Variants in WDR7 observed in about 807,000 individuals in gnomAD.
WDR7 encodes WD repeat domain 7.
A neutral mutation model predicts 169.4 loss-of-function variants in WDR7; 46 were observed. That is an observed-to-expected ratio of 0.27 (90% CI 0.21 to 0.35). The LOEUF (loss-of-function observed/expected upper bound fraction) is 0.35, where lower values mean the gene tolerates loss of function less well. WDR7 is among the 10% of genes least tolerant of loss of function. The pLI, the probability that WDR7 is intolerant of heterozygous loss-of-function variation, is 1.00. For missense variants in WDR7, 1,534 were observed against 1,859.3 expected (o/e 0.83, Z 3.22); for synonymous variants, 612 against 666.8 (o/e 0.92, Z 1.27).
chr18:56,949,156 T>TCTCTCCCTCTC (rs879455948), intron 25 of WDR7, among the ~76,000 whole-genome samples: 4,412 of 143,864 alleles, frequency 0.031, 226 homozygotes, highest in African/African-American at 0.11. Context: ...CTCTCTCTCT[T>TCTCTCCCTCTC]TCCCTTTGGC....
intron 22 of WDR7, among the ~76,000 whole-genome samples, chr18:56,930,320 G>A (rs987764060): frequency 3.9e-5 from 6 of 152,154 alleles, no homozygotes; most frequent in African/African-American, 1.2e-4. Flanking sequence ...TGAATTTTGG[G>A]GGTGAGGAGT....
intron 16 of WDR7, among the ~76,000 whole-genome samples, chr18:56,763,656 A>T (rs1311992632): frequency 6.6e-6 from 1 of 152,196 alleles, no homozygotes; most frequent in Non-Finnish European, 1.5e-5. Flanking sequence ...TGGACGGGTG[A>T]GTGTAGGTTG....
In WDR7 at chr18:56,776,767, C is replaced by T. The variant is rs755165239; in HGVS notation, c.2849-15C>T. 1 of 1,611,940 alleles carries T rather than the reference C, an allele frequency of 6.2e-7. No homozygotes were observed. The highest frequency in any genetic ancestry group is 2.2e-5 in the East Asian group (1 of 44,860). On this transcript the variant is annotated splice_polypyrimidine_tract_variant and intron_variant, in intron 16 of 27. Coordinates refer to ENST00000254442, the MANE Select transcript of WDR7 (RefSeq NM_015285.3). ...CAATTCTCTCCTCTTTACTTCTTCT[C>T]TTTTCCTCTGCAAGTTGCTGCACCT...
chr18:56,779,523 C>G lies in WDR7; in HGVS notation c.3040C>G (p.Arg1014Gly). The G allele has an allele frequency of 1.9e-6, 3 of 1,613,492 alleles. No individual in the cohort carries two copies. The highest frequency in any genetic ancestry group is 2.5e-6 in the Non-Finnish European group (3 of 1,179,730). Residue 1014 changes from arginine to glycine, a missense_variant, in exon 18 of 28, where the codon CGA becomes GGA. Arg to Gly is a moderately radical substitution (Grantham distance 125). Transcript: ENST00000254442. ...FRPPLLEMLARRWQDRCLEVR... is the reference protein window; with the variant it reads ...FRPPLLEMLAGRWQDRCLEVR... Reference sequence around the variant, plus strand: ...GCCTCCCCTTCTGGAGATGCTGGCCCGAAGATGGCAAGATCGATGCTTGGA... The same window carrying G: ...GCCTCCCCTTCTGGAGATGCTGGCCGGAAGATGGCAAGATCGATGCTTGGA...
intron 27 of WDR7, among the ~76,000 whole-genome samples, chr18:57,023,083 A>G (rs978914171): frequency 6.6e-6 from 1 of 152,252 alleles, no homozygotes; most frequent in African/African-American, 2.4e-5. Context: ...ATGTTGTACC[A>G]AACTCAGTCT....
chr18:56,742,070 G>A (rs1444721044), intron 14 of WDR7, among the ~76,000 whole-genome samples: 1 of 152,196 alleles, frequency 6.6e-6, no homozygotes, highest in African/African-American at 2.4e-5. Flanking sequence ...CCAAGGGGAA[G>A]CAGTCTTGTT....
At chr18:56,682,613 A>G (rs879070388) in intron 4 of WDR7, 66 bp from the exon 5 acceptor site, 3 of 1,524,892 alleles carry the variant, frequency 2.0e-6, no homozygotes, top group South Asian at 2.5e-5. Context: ...ATGAATGCAT[A>G]TTAATCAAGT....
At chr18:56,998,911 C>T (rs1392605598) in intron 26 of WDR7, among the ~76,000 whole-genome samples, 1 of 151,982 alleles carries the variant, frequency 6.6e-6, no homozygotes, top group Non-Finnish European at 1.5e-5. Flanking sequence ...CTTGATTGTC[C>T]CAAGTTCTTG....
intron 26 of WDR7, among the ~76,000 whole-genome samples, chr18:56,976,314 A>T (rs985030418): frequency 6.6e-6 from 1 of 152,226 alleles, no homozygotes; most frequent in Non-Finnish European, 1.5e-5. Flanking sequence ...ATAGTGAGAA[A>T]AAGGATGTGC....
At chr18:56,992,969 A>T (rs1413419886) in intron 26 of WDR7, among the ~76,000 whole-genome samples, 5 of 152,226 alleles carry the variant, frequency 3.3e-5, no homozygotes, top group African/African-American at 1.2e-4. Flanking sequence ...TGCTGATTCA[A>T]ACTACAAGCT....
At chr18:56,882,622 G>C (rs1375393210) in intron 21 of WDR7, among the ~76,000 whole-genome samples, 9 of 152,104 alleles carry the variant, frequency 5.9e-5, no homozygotes, top group African/African-American at 2.2e-4. Flanking sequence ...CTTTGAAGTG[G>C]AAATTTCTAC....
At chr18:56,807,615 T>C (rs2044797841) in intron 19 of WDR7, among the ~76,000 whole-genome samples, 1 of 152,084 alleles carries the variant, frequency 6.6e-6, no homozygotes, top group Non-Finnish European at 1.5e-5. Flanking sequence ...TCAGTAAATG[T>C]TTCCCTTTTG....
At chr18:56,683,671 T>C (rs646500) in intron 5 of WDR7, among the ~76,000 whole-genome samples, 139,419 of 152,202 alleles carry the variant, frequency 0.92, 64,986 homozygotes, top group Non-Finnish European at 1. Context: ...ATATTCATCA[T>C]ATAGATGAGG....
chr18:56,756,525 G>A, intron 14 of WDR7, 58 bp from the exon 15 acceptor site: 5 of 1,324,912 alleles, frequency 3.8e-6, no homozygotes, highest in East Asian at 5.1e-5. Flanking sequence ...GTTTATTAAT[G>A]AATGTATGAA....
At chr18:56,887,073 A>C (rs1171679035) in intron 21 of WDR7, among the ~76,000 whole-genome samples, 1 of 152,228 alleles carries the variant, frequency 6.6e-6, no homozygotes, top group East Asian at 1.9e-4. Flanking sequence ...GAAAATTGTT[A>C]CTACTATCAC....
At chr18:56,997,554 T>C (rs1349657957) in intron 26 of WDR7, among the ~76,000 whole-genome samples, 2 of 152,216 alleles carry the variant, frequency 1.3e-5, no homozygotes, top group East Asian at 3.8e-4. Context: ...GAAGACCTTG[T>C]CAACCAAAGG....
intron 7 of WDR7, among the ~76,000 whole-genome samples, chr18:56,688,855 G>A (rs652177): frequency 0.92 from 139,512 of 152,202 alleles, 65,152 homozygotes; most frequent in East Asian, 1. Context: ...TAAACATTTT[G>A]TAATTATGTG....
chr18:56,928,987 T>G (rs1399578763), intron 22 of WDR7, among the ~76,000 whole-genome samples: 1 of 152,206 alleles, frequency 6.6e-6, no homozygotes, highest in African/African-American at 2.4e-5. Flanking sequence ...TAAATATGTT[T>G]AATAAAATTA....
intron 26 of WDR7, among the ~76,000 whole-genome samples, chr18:57,017,836 CTT>C (rs771613928): frequency 6.6e-6 from 1 of 152,170 alleles, no homozygotes; most frequent in Admixed American, 6.5e-5. Flanking sequence ...CCAAAATCTT[CTT>C]TGAGAGACAC....
Sources: allele counts gnomAD v4.1 joint callset (sites outside exome capture counted in the v4.1 genomes callset), GRCh38; gene constraint gnomAD v4.1.1; transcripts MANE v1.5; gene names NCBI Gene and HGNC (gene_info 2026-07-23, HGNC 2026-07-21).